Variants in OTX2 observed in about 807,000 individuals in gnomAD.
The protein encoded by OTX2 is homeobox protein OTX2.
OTX2 carries 4 observed loss-of-function variants against 29.0 expected under a neutral mutation model. The observed-to-expected ratio is 0.14, with a 90% CI of 0.07 to 0.32. The LOEUF is 0.32. Ranked by LOEUF, OTX2 falls within the 10% of genes least tolerant of loss-of-function variation. The pLI is 1.00. For synonymous variants in OTX2, 134 were observed against 141.0 expected, an observed-to-expected ratio of 0.95 and a Z score of 0.35; for missense variants, 298 against 365.9, an observed-to-expected ratio of 0.81 and a Z score of 1.51.
At position 56,801,634 on chromosome 14, in the gene OTX2, G is replaced by A; in HGVS notation, c.*101C>T. 7.5e-7 allele frequency: 1 copy of A among 1,338,598 alleles called. No individual in the cohort carries two copies. The highest frequency in any genetic ancestry group is 1.2e-5 in the South Asian group (1 of 84,512). The allele number at this position is 1,338,598 out of a possible 1,614,324, so 82.9% of individuals were successfully genotyped here. ...CGGAACTTTGATCAGATGAGTCTGA[G>A]CATCATCCCATCTAACTCTTTTAAC... On this transcript the variant is annotated 3_prime_UTR_variant, in exon 5 of 5. Transcript: ENST00000672264. The surrounding 1 kb of genome is among the most constrained non-coding windows in gnomAD (Gnocchi z 4.2).
Position 56,805,538 on chromosome 14 carries a change from G to C in OTX2, c.-82C>G, listed in dbSNP as rs540831263. On this transcript the variant is annotated 5_prime_UTR_variant, in exon 3 of 5. Coordinates refer to ENST00000672264, the MANE Select transcript of OTX2 (RefSeq NM_021728.4). ...ATCTTGATGCGCCCGGGGTGGACAG[G>C]TTCAGAGTCCTTGGTGGGTGGGTTT... is the stretch of plus-strand genomic sequence containing the variant. 1.4e-5 allele frequency: 12 copies of C among 837,210 alleles called. No homozygotes were observed. The highest frequency in any genetic ancestry group is 2.0e-5 in the Non-Finnish European group (10 of 491,206). The allele number at this position is 837,210 out of a possible 1,614,324, so 51.9% of individuals were successfully genotyped here.
intron 2 of OTX2, 155 bp from the exon 3 acceptor site, chr14:56,805,730 A>G (rs899460539): frequency 7.3e-6 from 2 of 274,748 alleles, no homozygotes; most frequent in African/African-American, 1.2e-4. Flanking sequence ...CCCCATCCCC[A>G]CCCCCACCCC....
Position 56,801,621 on chromosome 14 carries a change from C to T in OTX2, c.*114G>A. On this transcript the variant is annotated 3_prime_UTR_variant, in exon 5 of 5. Coordinates refer to ENST00000672264, the MANE Select transcript of OTX2 (RefSeq NM_021728.4). The surrounding 1 kb of genome is among the most constrained non-coding windows in gnomAD (Gnocchi z 4.2). ...CTTCTATGCCTCTCGGAACTTTGATCAGATGAGTCTGAGCATCATCCCATC... is the reference window on the plus strand; with the variant it reads ...CTTCTATGCCTCTCGGAACTTTGATTAGATGAGTCTGAGCATCATCCCATC... 1.6e-6 allele frequency: 2 copies of T among 1,229,062 alleles called. No individual in the cohort carries two copies. Among genetic ancestry groups the T allele is most frequent in the Non-Finnish European group, 2.4e-6 (2 of 838,218 alleles). 76.1% of individuals were successfully genotyped at this position (1,229,062 alleles called of 1,614,324 possible). A position where few individuals can be genotyped will look rare whatever the true frequency, so the allele number is the denominator to read the frequency against.
In OTX2 at chr14:56,805,340, G is replaced by A. The variant is rs369946194; in HGVS notation, c.97+20C>T. On this transcript the variant is annotated intron_variant, in intron 3 of 4. Transcript: ENST00000672264. ...GGGCATGGGGAAGAGGGGTGCGGGA[G>A]TGCAGCAGGGCTCACTTACCCGGGT... 540 of 1,536,988 alleles carry A rather than the reference G, an allele frequency of 3.5e-4. 1 individual carries two copies. The highest frequency in any genetic ancestry group is 1.7e-4 in the Middle Eastern group (1 of 5,736).
At chr14:56,809,727 T>A (rs1203974373) in intron 2 of OTX2, among the ~76,000 whole-genome samples, 1 of 152,206 alleles carries the variant, frequency 6.6e-6, no homozygotes, top group Admixed American at 6.5e-5. Context: ...TACATCTGCA[T>A]CTTTTTGTCT....
chr14:56,809,445 CT>C (rs5808881), intron 2 of OTX2, among the ~76,000 whole-genome samples: 52,288 of 152,114 alleles, frequency 0.34, 9,368 homozygotes, highest in Admixed American at 0.51. Flanking sequence ...GATCTGGAAG[CT>C]TTTGGGAGAA....
At chr14:56,806,938 C>T (rs916549530) in intron 2 of OTX2, among the ~76,000 whole-genome samples, 1 of 152,070 alleles carries the variant, frequency 6.6e-6, no homozygotes, top group Non-Finnish European at 1.5e-5. Context: ...TGAGAGATTG[C>T]TTCAAAATGG....
chr14:56,801,469 G>A lies in OTX2; in HGVS notation c.*266C>T. ...GGTGGTGTTTGGTTGCACATGGCTA[G>A]AATGCTTTTGATCACTTTGCAAATC... On this transcript the variant is annotated 3_prime_UTR_variant, in exon 5 of 5. Transcript: ENST00000672264. This position sits in a 1 kb window ranked among gnomAD's most constrained non-coding sequence, Gnocchi z 4.2. 1.9e-6 allele frequency: 1 copy of A among 524,202 alleles called. No individual in the cohort carries two copies. Among genetic ancestry groups the A allele is most frequent in the Non-Finnish European group, 3.4e-6 (1 of 290,856 alleles). 32.5% of individuals were successfully genotyped at this position (524,202 alleles called of 1,614,324 possible).
In OTX2 at chr14:56,802,467, T is replaced by C. The variant is rs1891929288; in HGVS notation, c.274-112A>G. 1 of 1,217,006 alleles carries C rather than the reference T, an allele frequency of 8.2e-7. No individual in the cohort carries two copies. Among genetic ancestry groups the C allele is most frequent in the Non-Finnish European group, 1.2e-6 (1 of 830,506 alleles). 75.4% of individuals were successfully genotyped at this position (1,217,006 alleles called of 1,614,324 possible). ...TGGGCAGATCAGCTAAACACACAATTTCCCCTGCCACTGAAGACCTATTAT... is the reference window on the plus strand; with the variant it reads ...TGGGCAGATCAGCTAAACACACAATCTCCCCTGCCACTGAAGACCTATTAT... On this transcript the variant is annotated intron_variant, in intron 4 of 4. Transcript: ENST00000672264. The surrounding 1 kb of genome is among the most constrained non-coding windows in gnomAD (Gnocchi z 4.4).
At position 56,805,415 on chromosome 14, in the gene OTX2, C is replaced by T; in HGVS notation, c.42G>A (p.Gly14=). ...CCATACCCGAAGTGGTCAGACTCAGCCCATTGACTGCGTAAGGCGGTTGCT... is the reference window on the plus strand; with the variant it reads ...CCATACCCGAAGTGGTCAGACTCAGTCCATTGACTGCGTAAGGCGGTTGCT... ...YLKQPPYAVN[G]LSLTTSGMDL... Residue 14 remains glycine (G), a synonymous_variant, in exon 3 of 5, where the codon GGG becomes GGA. Transcript: ENST00000672264. The T allele has an allele frequency of 6.2e-7, 1 of 1,613,974 alleles. No individual in the cohort carries two copies. Among genetic ancestry groups the T allele is most frequent in the Non-Finnish European group, 8.5e-7 (1 of 1,179,882 alleles).
intron 2 of OTX2, among the ~76,000 whole-genome samples, chr14:56,808,769 G>A (rs993683815): frequency 2.6e-5 from 4 of 152,222 alleles, no homozygotes; most frequent in Non-Finnish European, 5.9e-5. Context: ...CACCACCGCA[G>A]GGTCGGCGCC....
At chr14:56,809,591 G>A (rs1318628369) in intron 2 of OTX2, among the ~76,000 whole-genome samples, 1 of 152,190 alleles carries the variant, frequency 6.6e-6, no homozygotes, top group South Asian at 2.1e-4. Flanking sequence ...GTTCAACAGG[G>A]GCCGACAGGG....
At position 56,800,680 on chromosome 14, in the gene OTX2, C is replaced by T. The variant is rs198238; in HGVS notation, c.*1055G>A. 0.9 allele frequency: 137,454 copies of T among 152,648 alleles called. 63,482 individuals are homozygous for T. The highest frequency in any genetic ancestry group is 1 in the East Asian group (5,171 of 5,192). The allele number at this position is 152,648 out of a possible 1,614,324, so 9.5% of individuals were successfully genotyped here. ...ATGTAGGCTTCTTATTCATAAATAG[C>T]GGTGTAAAATTAAACTGGACCCAAT... On this transcript the variant is annotated 3_prime_UTR_variant, in exon 5 of 5. Coordinates refer to ENST00000672264, the MANE Select transcript of OTX2 (RefSeq NM_021728.4).
At position 56,800,019 on chromosome 14, in the gene OTX2, G is replaced by A. The variant is rs1252519066; in HGVS notation, c.*1716C>T. 6.6e-6 allele frequency: 1 copy of A among 152,120 alleles called. No homozygotes were observed. Among genetic ancestry groups the A allele is most frequent in the Non-Finnish European group, 1.5e-5 (1 of 68,010 alleles). 9.4% of individuals were successfully genotyped at this position (152,120 alleles called of 1,614,324 possible). On this transcript the variant is annotated 3_prime_UTR_variant, in exon 5 of 5. Coordinates refer to ENST00000672264, the MANE Select transcript of OTX2 (RefSeq NM_021728.4). ...AAATTAAATATTGCTTTTACCTGAG[G>A]AGCACCATGATCATTGGCCCATTTG...
At chr14:56,805,043 T>G (rs1219600769) in intron 3 of OTX2, among the ~76,000 whole-genome samples, 1 of 152,210 alleles carries the variant, frequency 6.6e-6, no homozygotes, top group Non-Finnish European at 1.5e-5. Flanking sequence ...TAGGGGTCTT[T>G]TGCCCAAATG....
intron 4 of OTX2, among the ~76,000 whole-genome samples, chr14:56,803,802 A>G (rs1304724448): frequency 6.6e-6 from 1 of 152,216 alleles, no homozygotes; most frequent in Non-Finnish European, 1.5e-5. Flanking sequence ...TGAGCAAGTC[A>G]TTTACTCTAT....
chr14:56,801,258 A>C lies in OTX2; in HGVS notation c.*477T>G. 9.1e-6 allele frequency: 2 copies of C among 218,774 alleles called. No homozygotes were observed. The highest frequency in any genetic ancestry group is 1.8e-5 in the Non-Finnish European group (2 of 108,560). The allele number at this position is 218,774 out of a possible 1,614,324, so 13.6% of individuals were successfully genotyped here. A position where few individuals can be genotyped will look rare whatever the true frequency, so the allele number is the denominator to read the frequency against. On this transcript the variant is annotated 3_prime_UTR_variant, in exon 5 of 5. Transcript: ENST00000672264. The surrounding 1 kb of genome is among the most constrained non-coding windows in gnomAD (Gnocchi z 4.2). The stretch of plus-strand genomic sequence containing the variant: ...TCTAGGACAATCAGTCACACAATTC[A>C]CACAGCCCTGAAAAGTTTTTTCAGT...
intron 2 of OTX2, among the ~76,000 whole-genome samples, chr14:56,809,558 T>G (rs2139546448): frequency 6.6e-6 from 1 of 152,294 alleles, no homozygotes; most frequent in African/African-American, 2.4e-5. Flanking sequence ...CCTCCTCGGT[T>G]ATCCGCTCCG....
intron 2 of OTX2, among the ~76,000 whole-genome samples, chr14:56,807,170 A>G (rs895713412): frequency 2.6e-5 from 4 of 152,192 alleles, no homozygotes; most frequent in African/African-American, 7.2e-5. Context: ...TATCCTCAGT[A>G]CAACTAATTT....
Sources: gnomAD v4.1 joint callset for allele counts (sites outside exome capture counted in the v4.1 genomes callset) on GRCh38, gnomAD v4.1.1 for gene constraint, Gnocchi (gnomAD v3.1) non-coding constraint, MANE v1.5 for transcripts, NCBI Gene and HGNC (gene_info 2026-07-23, HGNC 2026-07-21) for gene names.